NRF1: variants seen among roughly 807,000 people sequenced by gnomAD.
The protein encoded by NRF1 is alpha palindromic-binding protein.
In NRF1, 5 loss-of-function variants were observed where a neutral mutation model predicts 58.5. The ratio of observed to expected loss-of-function variants is 0.09; its 90% confidence interval spans 0.04 to 0.18. The LOEUF is 0.18. NRF1 is among the 10% of genes least tolerant of loss of function. The pLI, the probability that NRF1 is intolerant of heterozygous loss-of-function variation, is 1.00. For synonymous variants in NRF1, 224 were observed against 246.7 expected (o/e 0.91, Z 0.86); for missense variants, 288 against 657.7 (o/e 0.44, Z 6.15).
In NRF1 at chr7:129,712,030, G is replaced by A. The variant is rs563842846; in HGVS notation, c.1065+454G>A. ...ATGCCTTTGAAAAGATTTCTTAGGAGAATTCTTCCTTACCAAAATTGGGAT... is the reference window on the plus strand; with the variant it reads ...ATGCCTTTGAAAAGATTTCTTAGGAAAATTCTTCCTTACCAAAATTGGGAT... On this transcript the variant is annotated intron_variant, in intron 8 of 10. Transcript: ENST00000393232. Among the ~76,000 whole-genome samples the A allele has an allele frequency of 1.9e-4, 29 of 152,276 alleles. No homozygotes were observed. In the East Asian group the frequency reaches 3.1e-3, roughly 16 times the overall value.
intron 5 of NRF1, among the ~76,000 whole-genome samples, chr7:129,699,486 A>G (rs925070440): frequency 6.6e-6 from 1 of 152,036 alleles, no homozygotes; most frequent in Admixed American, 6.5e-5. Flanking sequence ...GGCCAAGGCA[A>G]GCGGATCACT....
rs1387669879 is a variant in NRF1, at chr7:129,755,724, A to G, written c.*543A>G. 6.5e-6 allele frequency: 1 copy of G among 152,734 alleles called. No individual in the cohort carries two copies. Among genetic ancestry groups the G allele is most frequent in the Non-Finnish European group, 1.5e-5 (1 of 68,120 alleles). 9.5% of individuals were successfully genotyped at this position (152,734 alleles called of 1,614,324 possible). ...TTGAGCTACTGACAAACTCAGGCGG[A>G]GGTGACCATGCCCTTCACCAAAGCT... On this transcript the variant is annotated 3_prime_UTR_variant, in exon 11 of 11. Transcript: ENST00000393232. This position sits in a 1 kb window ranked among gnomAD's most constrained non-coding sequence, Gnocchi z 5.8.
intron 9 of NRF1, among the ~76,000 whole-genome samples, chr7:129,718,790 G>A (rs910936951): frequency 1.3e-5 from 2 of 152,254 alleles, no homozygotes; most frequent in Middle Eastern, 3.4e-3. Context: ...TGAGAGCAGG[G>A]TTCCAACGTC....
intron 7 of NRF1, 136 bp downstream of exon 7, chr7:129,710,707 A>T (rs1197430575): frequency 1.6e-6 from 1 of 628,372 alleles, no homozygotes; most frequent in African/African-American, 1.8e-5. Context: ...TTCCTACCTG[A>T]AATTGATTTC....
chr7:129,705,605 G>T (rs1023238455), intron 5 of NRF1, among the ~76,000 whole-genome samples: 1 of 151,962 alleles, frequency 6.6e-6, no homozygotes, highest in East Asian at 1.9e-4. Context: ...TGTTCTTTTT[G>T]GTAGAAAGAG....
intron 10 of NRF1, among the ~76,000 whole-genome samples, chr7:129,740,249 T>A (rs991646346): frequency 6.6e-6 from 1 of 152,236 alleles, no homozygotes; most frequent in African/African-American, 2.4e-5. Context: ...TCCTACTCTC[T>A]TTACTGGCTG....
chr7:129,672,808 G>A (rs1327362029), intron 3 of NRF1, among the ~76,000 whole-genome samples: 3 of 152,172 alleles, frequency 2.0e-5, no homozygotes, highest in Non-Finnish European at 4.4e-5. Flanking sequence ...TAACCATTAA[G>A]TGGAGATACA....
intron 10 of NRF1, among the ~76,000 whole-genome samples, chr7:129,740,596 G>C (rs2116293852): frequency 6.6e-6 from 1 of 152,322 alleles, no homozygotes; most frequent in African/African-American, 2.4e-5. Flanking sequence ...TAGCTGGAGG[G>C]ATTTCCAGTT....
chr7:129,715,868 G>A (rs1043170280), intron 8 of NRF1, among the ~76,000 whole-genome samples: 1 of 152,162 alleles, frequency 6.6e-6, no homozygotes, highest in African/African-American at 2.4e-5. Context: ...GCTGGGTGTG[G>A]TGGTGGGGTG....
At chr7:129,715,833 C>T (rs1244447815) in intron 8 of NRF1, among the ~76,000 whole-genome samples, 4 of 152,048 alleles carry the variant, frequency 2.6e-5, no homozygotes, top group South Asian at 2.1e-4. Flanking sequence ...GGAGAAACCC[C>T]GTTTCTACTA....
intron 10 of NRF1, among the ~76,000 whole-genome samples, chr7:129,732,177 C>A (rs1312340267): frequency 6.6e-6 from 1 of 152,148 alleles, no homozygotes; most frequent in Non-Finnish European, 1.5e-5. Context: ...CCTCAGAAAA[C>A]CAGGCCTATA....
chr7:129,751,841 G>A (rs375524500), intron 10 of NRF1, among the ~76,000 whole-genome samples: 1 of 152,212 alleles, frequency 6.6e-6, no homozygotes, highest in Non-Finnish European at 1.5e-5. Flanking sequence ...GGGTGATTTC[G>A]TTAACTTTGC....
chr7:129,669,127 A>G (rs1257949685), intron 2 of NRF1, among the ~76,000 whole-genome samples: 3 of 152,060 alleles, frequency 2.0e-5, no homozygotes, highest in African/African-American at 7.2e-5. Context: ...TTGTATTTTT[A>G]GTAGAGATGG....
chr7:129,633,978 CCA>C (rs1407194837), intron 1 of NRF1, among the ~76,000 whole-genome samples: 1 of 149,122 alleles, frequency 6.7e-6, no homozygotes, highest in Non-Finnish European at 1.5e-5. Context: ...TCCCTGTACC[CCA>C]CTTTGACCGT....
At chr7:129,740,573 G>A (rs535242927) in intron 10 of NRF1, among the ~76,000 whole-genome samples, 31 of 152,250 alleles carry the variant, frequency 2.0e-4, no homozygotes, top group African/African-American at 7.5e-4. Flanking sequence ...TCACTCCTCA[G>A]GCATACCCCC....
chr7:129,637,675 CTGT>C (rs1284067586), intron 1 of NRF1, among the ~76,000 whole-genome samples: 1 of 152,014 alleles, frequency 6.6e-6, no homozygotes, highest in Non-Finnish European at 1.5e-5. Flanking sequence ...ATTTTATAAC[CTGT>C]TGTTTTCAAT....
chr7:129,661,208 C>A (rs887859881), intron 2 of NRF1, among the ~76,000 whole-genome samples: 1 of 151,316 alleles, frequency 6.6e-6, no homozygotes, highest in Non-Finnish European at 1.5e-5. Context: ...GCCCTTGAAA[C>A]CTCCTAGGTC....
chr7:129,746,954 A>G (rs1339089963), intron 10 of NRF1, among the ~76,000 whole-genome samples: 2 of 152,226 alleles, frequency 1.3e-5, no homozygotes, highest in Admixed American at 6.5e-5. Context: ...GCAAACAACA[A>G]TTCCCAAAGG....
chr7:129,645,830 T>C (rs1185496095), intron 1 of NRF1, among the ~76,000 whole-genome samples: 2 of 152,182 alleles, frequency 1.3e-5, no homozygotes, highest in Non-Finnish European at 2.9e-5. Context: ...CATTTCTGTC[T>C]GTGTGAAGCA....
Sources: gnomAD v4.1 joint callset for allele counts (sites outside exome capture counted in the v4.1 genomes callset) on GRCh38, gnomAD v4.1.1 for gene constraint, Gnocchi (gnomAD v3.1) non-coding constraint, MANE v1.5 for transcripts, NCBI Gene and HGNC (gene_info 2026-07-23, HGNC 2026-07-21) for gene names.